SLC12A3: variants seen among roughly 807,000 people sequenced by gnomAD.
The protein encoded by SLC12A3 is solute carrier family 12 member 3, also known as Na-Cl cotransporter.
A neutral mutation model predicts 121.0 loss-of-function variants in SLC12A3; 104 were observed. The observed-to-expected ratio is 0.86, with a 90% CI of 0.73 to 1.01. The LOEUF (loss-of-function observed/expected upper bound fraction) is 1.01. Among genes scored for constraint, SLC12A3 ranks in the 50% least tolerant of loss-of-function variants. SLC12A3 has a pLI of 0.00. For synonymous variants in SLC12A3, 536 were observed against 533.4 expected (o/e 1.00, Z -0.07); for missense variants, 1,328 against 1,356.3 (o/e 0.98, Z 0.33).
At chr16:56,894,425 G>T in intron 21 of SLC12A3, 106 bp from the exon 22 acceptor site, 1 of 783,826 alleles carries the variant, frequency 1.3e-6, no homozygotes, top group South Asian at 1.5e-5. Flanking sequence ...CTGGGGTCCA[G>T]CGAGGAGAGG....
At chr16:56,897,032 C>A (rs1465323883) in intron 22 of SLC12A3, among the ~76,000 whole-genome samples, 7 of 151,168 alleles carry the variant, frequency 4.6e-5, no homozygotes, top group Non-Finnish European at 1.0e-4. Flanking sequence ...GCGAAGGTTG[C>A]AGTGAGCCGA....
chr16:56,887,798 A>ATATTTTTT (rs1433682477), intron 17 of SLC12A3, 127 bp from the exon 18 acceptor site: 9 of 68,456 alleles, frequency 1.3e-4, no homozygotes, highest in African/African-American at 5.2e-4. Flanking sequence ...ATATATATAT[A>ATATTTTTT]TTTTTTTTTT....
Position 56,878,064 on chromosome 16 carries a change from C to G in SLC12A3, c.1096-13C>G. 1 of 1,197,560 alleles carries G rather than the reference C, an allele frequency of 8.4e-7. No individual in the cohort carries two copies. The allele number at this position is 1,197,560 out of a possible 1,614,324, so 74.2% of individuals were successfully genotyped here. A position where few individuals can be genotyped will look rare whatever the true frequency, so the allele number is the denominator to read the frequency against. ...CCTCCCTCCCTCCCTCCCTCTCTCC[C>G]TCCCTCCTTCAGGACCCTGCTATAG... On this transcript the variant is annotated splice_polypyrimidine_tract_variant and intron_variant, in intron 8 of 25. Transcript: ENST00000563236.
intron 25 of SLC12A3, among the ~76,000 whole-genome samples, chr16:56,910,517 T>C (rs1436022538): frequency 6.6e-6 from 1 of 152,130 alleles, no homozygotes; most frequent in Non-Finnish European, 1.5e-5. Context: ...TTTGTATTTT[T>C]TTATGGAGAC....
intron 2 of SLC12A3, 139 bp from the exon 3 acceptor site, chr16:56,868,158 C>T (rs1027318047): frequency 6.5e-6 from 5 of 774,286 alleles, no homozygotes; most frequent in Non-Finnish European, 1.1e-5. Context: ...GACTCGGAAC[C>T]TACTGAAGTG....
intron 21 of SLC12A3, among the ~76,000 whole-genome samples, chr16:56,894,103 A>G (rs2055430442): frequency 6.6e-6 from 1 of 151,734 alleles, no homozygotes; most frequent in South Asian, 2.1e-4. Context: ...TCCTGAGCTC[A>G]AGTGATTCTC....
intron 6 of SLC12A3, 66 bp downstream of exon 6, chr16:56,870,802 TG>T: frequency 1.1e-6 from 1 of 936,400 alleles, no homozygotes. Context: ...TTGCCAGGCC[TG>T]GGCCCTCCCT....
chr16:56,874,758 T>G (rs545716075), intron 8 of SLC12A3, among the ~76,000 whole-genome samples: 142 of 152,240 alleles, frequency 9.3e-4, no homozygotes, highest in Non-Finnish European at 9.9e-4. Context: ...TGAGCCAAGA[T>G]GGCGCCACTA....
chr16:56,913,231 A>C, intron 25 of SLC12A3, 33 bp from the exon 26 acceptor site: 1 of 1,613,884 alleles, frequency 6.2e-7, no homozygotes. Context: ...CCCCGTGGTA[A>C]TCTCTCTTCT....
chr16:56,888,651 C>T (rs966243312), intron 18 of SLC12A3, among the ~76,000 whole-genome samples: 6 of 150,334 alleles, frequency 4.0e-5, no homozygotes, highest in South Asian at 4.2e-4. Flanking sequence ...CTCCGCCTCC[C>T]GGGTTCACGC....
chr16:56,883,404 C>A (rs944492619), intron 13 of SLC12A3, among the ~76,000 whole-genome samples: 6 of 151,804 alleles, frequency 4.0e-5, no homozygotes, highest in African/African-American at 1.5e-4. Flanking sequence ...CCTCAGCCTC[C>A]CCAGTAGCTG....
At chr16:56,886,218 T>G in intron 15 of SLC12A3, 146 bp from the exon 16 acceptor site, 1 of 626,546 alleles carries the variant, frequency 1.6e-6, no homozygotes, top group Non-Finnish European at 2.9e-6. Context: ...CACCCTGGAT[T>G]TATAGGTGGG....
rs1330753692 is a variant in SLC12A3 at position 56,879,019 on chromosome 16, G to C, written c.1181-54G>C. ...CCTCTGCAGAGGTGGGGCTGGAAGA[G>C]GACAGAGTAAGGAGGGAAGGCAGAC... On this transcript the variant is annotated intron_variant, in intron 9 of 25. Transcript: ENST00000563236. The C allele has an allele frequency of 3.4e-5, 53 of 1,563,330 alleles. No individual in the cohort carries two copies. In the Middle Eastern group the frequency reaches 9.0e-4, roughly 27 times the overall value.
At chr16:56,884,645 AC>A (rs1204736248) in intron 14 of SLC12A3, among the ~76,000 whole-genome samples, 7 of 152,120 alleles carry the variant, frequency 4.6e-5, no homozygotes, top group African/African-American at 1.7e-4. Context: ...GGTGGCAGCG[AC>A]CTGAGGGCAG....
chr16:56,894,419 G>A, intron 21 of SLC12A3, 112 bp from the exon 22 acceptor site: 1 of 754,504 alleles, frequency 1.3e-6, no homozygotes, highest in Non-Finnish European at 2.4e-6. Flanking sequence ...GGTCGACTGG[G>A]GTCCAGCGAG....
At chr16:56,872,053 T>C (rs2055104777) in intron 6 of SLC12A3, among the ~76,000 whole-genome samples, 1 of 152,110 alleles carries the variant, frequency 6.6e-6, no homozygotes, top group Non-Finnish European at 1.5e-5. Flanking sequence ...AGTTTCCCCA[T>C]GTTGGCCAGG....
chr16:56,868,220 C>T, intron 2 of SLC12A3, 77 bp from the exon 3 acceptor site: 2 of 1,389,710 alleles, frequency 1.4e-6, no homozygotes, highest in Admixed American at 1.8e-5. Flanking sequence ...GATACCCTGC[C>T]ATAGCAAGGG....
chr16:56,910,774 T>A (rs1338091024), intron 25 of SLC12A3, among the ~76,000 whole-genome samples: 3 of 152,266 alleles, frequency 2.0e-5, no homozygotes, highest in South Asian at 4.1e-4. Context: ...ACTGTGGTTC[T>A]GATGCAGGGC....
At chr16:56,913,124 G>A in intron 25 of SLC12A3, 140 bp from the exon 26 acceptor site, 5 of 1,047,778 alleles carry the variant, frequency 4.8e-6, no homozygotes, top group South Asian at 2.7e-5. Context: ...TGCGGAAAGT[G>A]GGGAGGTCAT....
Sources: gnomAD v4.1 joint callset for allele counts (sites outside exome capture counted in the v4.1 genomes callset) on GRCh38, gnomAD v4.1.1 for gene constraint, MANE v1.5 for transcripts, NCBI Gene and HGNC (gene_info 2026-07-23, HGNC 2026-07-21) for gene names.